Variants in SPAG16 observed in about 807,000 individuals in gnomAD.
SPAG16 encodes sperm associated antigen 16, also known as sperm-associated antigen 16 protein.
In SPAG16, 86 loss-of-function variants were observed where a neutral mutation model predicts 80.4. That is an observed-to-expected ratio of 1.07 (90% CI 0.90 to 1.28). The LOEUF is 1.28. Among genes scored for constraint, SPAG16 ranks in the 50% most tolerant of loss-of-function variants. The pLI, the probability that SPAG16 is intolerant of heterozygous loss-of-function variation, is 0.00. For missense variants in SPAG16, 870 were observed against 765.3 expected (o/e 1.14, Z -1.61); for synonymous variants, 294 against 265.9 (o/e 1.11, Z -1.03).
intron 13 of SPAG16, among the ~76,000 whole-genome samples, chr2:214,061,829 G>A (rs1463111245): frequency 1.3e-5 from 2 of 152,020 alleles, no homozygotes; most frequent in African/African-American, 4.8e-5. Context: ...GCACTGCTCT[G>A]GACCCATTTA....
At chr2:214,392,399 A>AC (rs1701138688) in intron 15 of SPAG16, among the ~76,000 whole-genome samples, 1 of 151,558 alleles carries the variant, frequency 6.6e-6, no homozygotes, top group South Asian at 2.1e-4. Flanking sequence ...CAAGTGATCC[A>AC]CCCGCCTCAG....
At chr2:213,407,610 A>AGAGAGAGAGAGAGAGACAGACAGACAG (rs1279952617) in intron 9 of SPAG16, among the ~76,000 whole-genome samples, 10 of 116,268 alleles carry the variant, frequency 8.6e-5, no homozygotes, top group African/African-American at 3.0e-4. Flanking sequence ...AGAGAGAGAG[A>AGAGAGAGAGAGAGAGACAGACAGACAG]GAGAGAGAGA....
At chr2:213,395,125 C>T (rs747761191) in intron 9 of SPAG16, among the ~76,000 whole-genome samples, 1 of 152,102 alleles carries the variant, frequency 6.6e-6, no homozygotes, top group Non-Finnish European at 1.5e-5. Context: ...TTATTTTTGT[C>T]AGTCTTGCTA....
intron 1 of SPAG16, among the ~76,000 whole-genome samples, chr2:213,290,209 A>G (rs1042144899): frequency 6.6e-6 from 1 of 152,258 alleles, no homozygotes; most frequent in Admixed American, 6.5e-5. Flanking sequence ...CATGGTGACT[A>G]AATACCAGGA....
chr2:214,210,732 G>C (rs1425899111), intron 15 of SPAG16, among the ~76,000 whole-genome samples: 1 of 152,002 alleles, frequency 6.6e-6, no homozygotes, highest in Non-Finnish European at 1.5e-5. Context: ...TTAGAAACAT[G>C]TATAACTCAA....
intron 15 of SPAG16, among the ~76,000 whole-genome samples, chr2:214,175,758 G>C (rs145960144): frequency 0.012 from 1,748 of 151,574 alleles, 28 homozygotes; most frequent in South Asian, 0.072. Flanking sequence ...GAACAGCAAG[G>C]AGAAAAAACT....
chr2:213,318,002 G>A (rs372551101), intron 5 of SPAG16: 1 of 152,092 alleles, frequency 6.6e-6, no homozygotes, highest in East Asian at 1.9e-4. Flanking sequence ...TTTCCATACA[G>A]GTTGAACTAA....
chr2:213,913,471 C>A (rs888273796), intron 11 of SPAG16, among the ~76,000 whole-genome samples: 1 of 148,610 alleles, frequency 6.7e-6, no homozygotes, highest in Non-Finnish European at 1.5e-5. Flanking sequence ...TATAATAGAA[C>A]GAATATGTGT....
At chr2:214,037,538 T>A (rs2048761874) in intron 13 of SPAG16, among the ~76,000 whole-genome samples, 1 of 152,088 alleles carries the variant, frequency 6.6e-6, no homozygotes, top group Non-Finnish European at 1.5e-5. Flanking sequence ...ATATCTACCT[T>A]ACTGATTAGG....
chr2:213,608,420 G>A (rs1015458146), intron 10 of SPAG16, among the ~76,000 whole-genome samples: 14 of 152,010 alleles, frequency 9.2e-5, no homozygotes, highest in Non-Finnish European at 1.8e-4. Context: ...GAGAACATGC[G>A]GTGTTTGGTT....
chr2:214,177,106 A>G (rs985565508), intron 15 of SPAG16, among the ~76,000 whole-genome samples: 2 of 151,202 alleles, frequency 1.3e-5, no homozygotes, highest in African/African-American at 2.4e-5. Flanking sequence ...AATTCTCAGT[A>G]TGTGAGCTTA....
intron 12 of SPAG16, among the ~76,000 whole-genome samples, chr2:214,007,945 A>G (rs990658790): frequency 2.6e-5 from 4 of 152,136 alleles, no homozygotes. Context: ...TTTCTGCAAA[A>G]ATATTTCTAC....
intron 10 of SPAG16, among the ~76,000 whole-genome samples, chr2:213,675,387 T>C (rs1318207891): frequency 6.6e-6 from 1 of 152,234 alleles, no homozygotes; most frequent in Non-Finnish European, 1.5e-5. Flanking sequence ...CTCTTTAGTT[T>C]AATTAGATAC....
At chr2:214,269,471 G>GT (rs1266048733) in intron 15 of SPAG16, among the ~76,000 whole-genome samples, 1 of 151,960 alleles carries the variant, frequency 6.6e-6, no homozygotes. Context: ...GCATGTGTGT[G>GT]TTTTGCTTAA....
At chr2:213,362,379 A>G (rs1288681871) in intron 7 of SPAG16, among the ~76,000 whole-genome samples, 1 of 152,198 alleles carries the variant, frequency 6.6e-6, no homozygotes, top group Non-Finnish European at 1.5e-5. Flanking sequence ...CCTTCCCTCA[A>G]GTAGGTGGAG....
chr2:213,986,337 T>A (rs893471393), intron 12 of SPAG16, among the ~76,000 whole-genome samples: 1 of 152,082 alleles, frequency 6.6e-6, no homozygotes, highest in East Asian at 1.9e-4. Context: ...TTATTTCAGT[T>A]TTTTTCTATG....
At chr2:213,471,269 G>C (rs1385948690) in intron 9 of SPAG16, among the ~76,000 whole-genome samples, 1 of 152,072 alleles carries the variant, frequency 6.6e-6, no homozygotes, top group African/African-American at 2.4e-5. Flanking sequence ...AGGCAGGAGG[G>C]GAGCATTTGA....
chr2:213,831,845 CA>C (rs1450234221), intron 10 of SPAG16, among the ~76,000 whole-genome samples: 1 of 151,966 alleles, frequency 6.6e-6, no homozygotes, highest in Non-Finnish European at 1.5e-5. Context: ...ATTCTTACCC[CA>C]TTTTATAAAC....
chr2:213,986,054 A>G (rs1187921014), intron 12 of SPAG16, among the ~76,000 whole-genome samples: 4 of 152,148 alleles, frequency 2.6e-5, no homozygotes, highest in Non-Finnish European at 5.9e-5. Context: ...AATGATTAAT[A>G]CAAAGCAGGG....
Sources: gnomAD v4.1 joint callset for allele counts (sites outside exome capture counted in the v4.1 genomes callset) on GRCh38, gnomAD v4.1.1 for gene constraint, MANE v1.5 for transcripts, NCBI Gene and HGNC (gene_info 2026-07-23, HGNC 2026-07-21) for gene names.